SORL1: variants seen among roughly 807,000 people sequenced by gnomAD.
SORL1 encodes the protein sortilin related receptor 1.
Under a neutral mutation model 273.7 loss-of-function variants are expected in SORL1, and 127 were observed. That is an observed-to-expected ratio of 0.46 (90% CI 0.40 to 0.54). SORL1 has a LOEUF of 0.54. Among genes scored for constraint, SORL1 ranks in the 20% least tolerant of loss-of-function variants. The pLI, the probability that SORL1 is intolerant of heterozygous loss-of-function variation, is 0.00. For synonymous variants in SORL1, 1,031 were observed against 1,067.4 expected (o/e 0.97, Z 0.66); for missense variants, 2,494 against 2,846.1 (o/e 0.88, Z 2.81).
rs192850292 is a variant in SORL1 at position 121,534,553 on chromosome 11, A to G, written c.1685+2001A>G. On this transcript the variant is annotated intron_variant, in intron 12 of 47. Transcript: ENST00000260197. ...AATAGTTCAAATAAAGCATTTGAAA[A>G]TACGAAAATACATACAAGCCTCCTA... Among the ~76,000 whole-genome samples, 35 of 152,358 alleles carry G rather than the reference A, an allele frequency of 2.3e-4. 1 individual carries two copies. Among genetic ancestry groups the G allele is most frequent in the South Asian group, 2.1e-3 (10 of 4,832 alleles).
chr11:121,493,945 T>C (rs976380673), intron 5 of SORL1, among the ~76,000 whole-genome samples: 1 of 152,204 alleles, frequency 6.6e-6, no homozygotes, highest in African/African-American at 2.4e-5. Context: ...CTGACCCTTT[T>C]GTTATTTTCC....
intron 1 of SORL1, among the ~76,000 whole-genome samples, chr11:121,469,196 G>A (rs1316305774): frequency 6.6e-6 from 1 of 152,182 alleles, no homozygotes; most frequent in Non-Finnish European, 1.5e-5. Flanking sequence ...ACTGCATGGG[G>A]GCCAGGCCGA....
intron 2 of SORL1, among the ~76,000 whole-genome samples, chr11:121,476,039 A>G (rs986356261): frequency 6.6e-6 from 1 of 152,240 alleles, no homozygotes; most frequent in Non-Finnish European, 1.5e-5. Context: ...GGAGTATTAC[A>G]TACTGAAAAA....
chr11:121,540,744 A>G (rs1320429560), intron 12 of SORL1, among the ~76,000 whole-genome samples: 1 of 152,222 alleles, frequency 6.6e-6, no homozygotes, highest in Admixed American at 6.5e-5. Context: ...ATGCTTGGTC[A>G]TGTACCTGCT....
intron 9 of SORL1, 112 bp downstream of exon 9, chr11:121,520,961 C>T: frequency 1.6e-6 from 1 of 636,086 alleles, no homozygotes. Context: ...ACATGGTATT[C>T]TATTAATATC....
chr11:121,570,888 A>G (rs1862831875), intron 23 of SORL1, among the ~76,000 whole-genome samples: 1 of 152,250 alleles, frequency 6.6e-6, no homozygotes, highest in Admixed American at 6.5e-5. Context: ...ACAACCACAA[A>G]TAACAGATAG....
rs1862216528 is a variant in SORL1 at position 121,532,525 on chromosome 11, C to T, written c.1658C>T (p.Ala553Val). 1.2e-6 allele frequency: 2 copies of T among 1,614,064 alleles called. No homozygotes were observed. Among genetic ancestry groups the T allele is most frequent in the African/African-American group, 1.3e-5 (1 of 75,046 alleles). The change falls in exon 12 of 48, where the codon GCC (alanine) becomes GTC (valine). Residue 553 changes from alanine (A) to valine (V), a missense_variant. Physicochemically the swap from Ala to Val is moderately conservative, Grantham distance 64 (BLOSUM62 0). This residue lies in a region of SORL1 where 710 missense variants were observed against 882.5 expected (regional missense o/e 0.80). Transcript: ENST00000260197. ...GDHGGIITAI[A>V]QGMETNELKY... The stretch of plus-strand genomic sequence containing the variant: ...CACGGCGGAATCATCACGGCCATTG[C>T]CCAGGGCATGGAAACCAACGAGCTA...
In SORL1 at chr11:121,452,487, G is replaced by T; in HGVS notation, c.156G>T (p.Gln52His). The T allele has an allele frequency of 6.7e-7, 1 of 1,491,286 alleles. No individual in the cohort carries two copies. Among genetic ancestry groups the T allele is most frequent in the Non-Finnish European group, 8.9e-7 (1 of 1,122,698 alleles). The allele number at this position is 1,491,286 out of a possible 1,614,324, so 92.4% of individuals were successfully genotyped here. ...AGGACCGGGGCTTCCTCGTGGTGCA[G>T]GGCGACCCGCGCGAGCTGCGGCTGT... is the stretch of plus-strand genomic sequence containing the variant. ...LPQDRGFLVV[Q>H]GDPRELRLWA... The change falls in exon 1 of 48, where the codon CAG becomes CAT. Residue 52 changes from glutamine (Q) to histidine (H), a missense_variant. This residue lies in a region of SORL1 where 175 missense variants were observed against 147.1 expected (regional missense o/e 1.19). Transcript: ENST00000260197. The surrounding 1 kb of genome is among the most constrained non-coding windows in gnomAD (Gnocchi z 5.3).
chr11:121,461,909 G>T (rs1861006671), intron 1 of SORL1, among the ~76,000 whole-genome samples: 1 of 152,154 alleles, frequency 6.6e-6, no homozygotes, highest in African/African-American at 2.4e-5. Flanking sequence ...TGATGTTTTA[G>T]TGCGTCGAAG....
At chr11:121,481,475 T>C (rs1301170382) in intron 3 of SORL1, among the ~76,000 whole-genome samples, 14 of 103,856 alleles carry the variant, frequency 1.3e-4, no homozygotes, top group Admixed American at 5.4e-4. Context: ...CCTCCCCAGC[T>C]CCTCCCCTAG....
chr11:121,479,245 C>G (rs565006491), intron 3 of SORL1, among the ~76,000 whole-genome samples: 1 of 152,112 alleles, frequency 6.6e-6, no homozygotes, highest in African/African-American at 2.4e-5. Flanking sequence ...ACCGGGCAGC[C>G]GGCAAGGCTT....
At chr11:121,524,714 T>G (rs1862093318) in intron 11 of SORL1, among the ~76,000 whole-genome samples, 1 of 152,124 alleles carries the variant, frequency 6.6e-6, no homozygotes, top group South Asian at 2.1e-4. Flanking sequence ...TTTTTGTGCT[T>G]TTTTCTCTTT....
At chr11:121,621,351 C>A in intron 44 of SORL1, 113 bp downstream of exon 44, 2 of 927,774 alleles carry the variant, frequency 2.2e-6, no homozygotes, top group Non-Finnish European at 3.2e-6. Context: ...GGAGTGCAAA[C>A]GCTGCCCTTC....
chr11:121,606,504 G>A (rs2134925239), intron 35 of SORL1, among the ~76,000 whole-genome samples: 1 of 152,302 alleles, frequency 6.6e-6, no homozygotes, highest in South Asian at 2.1e-4. Flanking sequence ...AAGAAGCAGA[G>A]GCAGCAGGTG....
At chr11:121,567,838 A>G (rs1862775814) in intron 22 of SORL1, among the ~76,000 whole-genome samples, 1 of 152,172 alleles carries the variant, frequency 6.6e-6, no homozygotes, top group African/African-American at 2.4e-5. Flanking sequence ...CATGAAGTGC[A>G]TGGATTGATG....
At chr11:121,583,678 C>T in intron 26 of SORL1, 95 bp downstream of exon 26, 2 of 1,360,672 alleles carry the variant, frequency 1.5e-6, no homozygotes, top group Non-Finnish European at 2.0e-6. Context: ...AAATGCTGTT[C>T]TCCTATGCCT....
At chr11:121,525,083 C>T (rs1434322325) in intron 11 of SORL1, among the ~76,000 whole-genome samples, 2 of 152,244 alleles carry the variant, frequency 1.3e-5, no homozygotes, top group Non-Finnish European at 1.5e-5. Context: ...CCATCACCCT[C>T]CCCGAGGTAT....
Position 121,577,359 on chromosome 11 carries a change from A to G in SORL1, c.3539A>G (p.Asp1180Gly), listed in dbSNP as rs756057291. The change falls in exon 25 of 48, where the codon GAC becomes GGC. Residue 1180 changes from aspartate to glycine, a missense_variant. Around this residue, in one of 3 missense-constraint regions of SORL1, gnomAD observed 1,609 missense variants for 1,816.4 expected, o/e 0.89. Coordinates refer to ENST00000260197, the MANE Select transcript of SORL1 (RefSeq NM_003105.6). ...CGCTCCTCCTGGGTATGTGACGGGG[A>G]CAACGACTGCAGGGACTGGTCTGAT... ...CIRSSWVCDG[D>G]NDCRDWSDEA... The G allele has an allele frequency of 6.2e-6, 10 of 1,613,484 alleles. No homozygotes were observed. Among genetic ancestry groups the G allele is most frequent in the Non-Finnish European group, 8.5e-7 (1 of 1,179,678 alleles).
rs117097913 is a variant in SORL1, at chr11:121,630,583, A to T, written c.*1020A>T. 1 of 152,194 alleles carries T rather than the reference A, an allele frequency of 6.6e-6. No individual in the cohort carries two copies. Among genetic ancestry groups the T allele is most frequent in the Non-Finnish European group, 1.5e-5 (1 of 68,034 alleles). 9.4% of individuals were successfully genotyped at this position (152,194 alleles called of 1,614,324 possible). The stretch of plus-strand genomic sequence containing the variant: ...GGCCACTTATTGTCCTTAAAAATCC[A>T]TACTGATATATGCAGTCATTTTGAA... On this transcript the variant is annotated 3_prime_UTR_variant, in exon 48 of 48. Coordinates refer to ENST00000260197, the MANE Select transcript of SORL1 (RefSeq NM_003105.6).
Sources: gnomAD v4.1 joint callset for allele counts (sites outside exome capture counted in the v4.1 genomes callset) on GRCh38, gnomAD v4.1.1 for gene constraint, gnomAD v4.1.1 regional missense constraint, Gnocchi (gnomAD v3.1) non-coding constraint, MANE v1.5 for transcripts, NCBI Gene and HGNC (gene_info 2026-07-23, HGNC 2026-07-21) for gene names.